The following TP63 variants were observed in gnomAD, a reference collection of about 807,000 sequenced individuals.
The protein encoded by TP63 is tumor protein p63.
TP63 carries 17 observed loss-of-function variants against 82.8 expected under a neutral mutation model. The ratio of observed to expected loss-of-function variants is 0.21; its 90% CI spans 0.14 to 0.31. The LOEUF is 0.31. Among genes scored for constraint, TP63 ranks in the 10% least tolerant of loss-of-function variants. The probability of loss-of-function intolerance (pLI) is 1.00; values close to 1 mark genes in which losing one functional copy is unlikely to be tolerated. For missense variants in TP63, 648 were observed against 895.3 expected, an observed-to-expected ratio of 0.72 and a Z score of 3.52; for synonymous variants, 330 against 321.7, an observed-to-expected ratio of 1.03 and a Z score of -0.28.
intron 1 of TP63, among the ~76,000 whole-genome samples, chr3:189,696,539 T>C (rs1167901794): frequency 2.0e-5 from 3 of 152,170 alleles, no homozygotes; most frequent in African/African-American, 4.8e-5. Flanking sequence ...GATGTAAGTT[T>C]TAAATCAGTT....
At position 189,703,602 on chromosome 3, in the gene TP63, A is replaced by G. The variant is rs1717983582; in HGVS notation, c.63-34138A>G. Among the ~76,000 whole-genome samples, 4 of 152,184 alleles carry G rather than the reference A, an allele frequency of 2.6e-5. No individual in the cohort carries two copies. In the South Asian group the frequency reaches 8.3e-4, roughly 31 times the overall value. On this transcript the variant is annotated intron_variant, in intron 1 of 13. Coordinates refer to ENST00000264731, the MANE Select transcript of TP63 (RefSeq NM_003722.5). ...GAAAGAAAAGGTAGAGGGCAGAGTC[A>G]TTAGAACTTTAAATAAAAGCAGTTT... is the stretch of plus-strand genomic sequence containing the variant.
intron 10 of TP63, among the ~76,000 whole-genome samples, chr3:189,882,034 G>A (rs942540021): frequency 2.7e-5 from 4 of 148,572 alleles, no homozygotes; most frequent in African/African-American, 1.0e-4. Context: ...AAAAAAATTA[G>A]TATTTTAGAT....
At chr3:189,658,793 GGA>G (rs1320743992) in intron 1 of TP63, among the ~76,000 whole-genome samples, 4 of 151,978 alleles carry the variant, frequency 2.6e-5, no homozygotes, top group Non-Finnish European at 5.9e-5. Context: ...AGAAGAAAAA[GGA>G]GATAAGCAAA....
intron 13 of TP63, among the ~76,000 whole-genome samples, chr3:189,893,929 A>C (rs1455262204): frequency 6.6e-6 from 1 of 152,072 alleles, no homozygotes; most frequent in Non-Finnish European, 1.5e-5. Flanking sequence ...TTGCCCTCTC[A>C]TCTAGCTATT....
intron 3 of TP63, among the ~76,000 whole-genome samples, chr3:189,805,025 T>G (rs180678879): frequency 2.0e-5 from 3 of 152,228 alleles, no homozygotes; most frequent in Non-Finnish European, 4.4e-5. Flanking sequence ...CCCTTGGGAC[T>G]GGATATAATT....
At chr3:189,657,279 G>T (rs1713468921) in intron 1 of TP63, among the ~76,000 whole-genome samples, 1 of 152,002 alleles carries the variant, frequency 6.6e-6, no homozygotes, top group Non-Finnish European at 1.5e-5. Flanking sequence ...ATGATATTAT[G>T]AATTTGTCAA....
chr3:189,707,774 A>C (rs559483533), intron 1 of TP63, among the ~76,000 whole-genome samples: 1 of 152,318 alleles, frequency 6.6e-6, no homozygotes, highest in East Asian at 1.9e-4. Flanking sequence ...TTATTGCCTA[A>C]ATTTAGAACT....
chr3:189,620,094 T>C, the TP63 span, among the ~76,000 whole-genome samples: 62,128 of 152,030 alleles, frequency 0.41, 13,669 homozygotes, highest in Middle Eastern at 0.63. Context: ...AACTCTTGGC[T>C]GGGTGTGGTG....
intron 1 of TP63, among the ~76,000 whole-genome samples, chr3:189,702,868 G>A (rs1310553112): frequency 1.3e-5 from 2 of 152,190 alleles, no homozygotes; most frequent in Non-Finnish European, 2.9e-5. Flanking sequence ...AATAATATAT[G>A]TATAAAGAAT....
intron 1 of TP63, among the ~76,000 whole-genome samples, chr3:189,731,664 G>T (rs1210150211): frequency 2.0e-5 from 3 of 152,166 alleles, no homozygotes; most frequent in Admixed American, 6.5e-5. Flanking sequence ...GATGTTTTCA[G>T]TTCACTTCTG....
At chr3:189,747,992 T>A (rs1394730475) in intron 3 of TP63, among the ~76,000 whole-genome samples, 1 of 152,012 alleles carries the variant, frequency 6.6e-6, no homozygotes, top group East Asian at 1.9e-4. Flanking sequence ...TGCAACCTAC[T>A]AAGGTTGAAT....
intron 4 of TP63, among the ~76,000 whole-genome samples, chr3:189,848,458 A>G (rs986699406): frequency 2.3e-4 from 35 of 151,604 alleles, no homozygotes; most frequent in East Asian, 9.7e-4. Flanking sequence ...GGTTCAAGCA[A>G]TACTCCTGCC....
chr3:189,666,746 A>G (rs371210189), intron 1 of TP63, among the ~76,000 whole-genome samples: 8 of 152,232 alleles, frequency 5.3e-5, no homozygotes, highest in African/African-American at 1.9e-4. Context: ...GAAGTGAGTA[A>G]TTCATTCTCC....
intron 3 of TP63, among the ~76,000 whole-genome samples, chr3:189,760,050 A>G (rs1459618795): frequency 6.6e-6 from 1 of 152,156 alleles, no homozygotes; most frequent in East Asian, 1.9e-4. Flanking sequence ...ACCCGCCCCT[A>G]TGATTCAATC....
chr3:189,863,565 T>C (rs563431095), intron 4 of TP63, among the ~76,000 whole-genome samples: 1 of 152,292 alleles, frequency 6.6e-6, no homozygotes, highest in South Asian at 2.1e-4. Context: ...TGATTAGCTG[T>C]GCTACATCAG....
At chr3:189,859,509 G>A (rs1470714780) in intron 4 of TP63, among the ~76,000 whole-genome samples, 1 of 152,100 alleles carries the variant, frequency 6.6e-6, no homozygotes, top group Non-Finnish European at 1.5e-5. Context: ...ACCACAATGA[G>A]ATCTGCATAC....
Position 189,631,458 on chromosome 3 carries a change from A to G in TP63, c.-58A>G. The G allele has an allele frequency of 1.2e-6, 2 of 1,609,020 alleles. No homozygotes were observed. The highest frequency in any genetic ancestry group is 8.5e-7 in the Non-Finnish European group (1 of 1,177,024). On this transcript the variant is annotated 5_prime_UTR_variant, in exon 1 of 14. The change creates a new upstream start codon in the 5' untranslated region. Coordinates refer to ENST00000264731, the MANE Select transcript of TP63 (RefSeq NM_003722.5). ...TTTATATCTATATATACACAGGTAT[A>G]TGTGTATATTTTATATAATTGTTCT...
At chr3:189,612,052 A>G in the TP63 span, among the ~76,000 whole-genome samples, 1 of 152,188 alleles carries the variant, frequency 6.6e-6, no homozygotes, top group African/African-American at 2.4e-5. Context: ...TTTTCTAGAT[A>G]TAGAATCATG....
intron 1 of TP63, among the ~76,000 whole-genome samples, chr3:189,655,314 T>C (rs115461805): frequency 0.016 from 2,467 of 152,228 alleles, 24 homozygotes; most frequent in Middle Eastern, 0.034. Flanking sequence ...ACAGAGACTG[T>C]AGGATGAATG....
Sources: allele counts gnomAD v4.1 joint callset (sites outside exome capture counted in the v4.1 genomes callset), GRCh38; gene constraint gnomAD v4.1.1; transcripts MANE v1.5; gene names NCBI Gene and HGNC (gene_info 2026-07-23, HGNC 2026-07-21).